The following NUP85 variants were observed in gnomAD, a reference collection of about 807,000 sequenced individuals.
NUP85 encodes the protein nucleoporin 85, also known as nuclear pore complex protein Nup85.
Under a neutral mutation model 92.8 loss-of-function variants are expected in NUP85, and 23 were observed. That is an observed-to-expected ratio of 0.25 (90% CI 0.18 to 0.35). NUP85 has a LOEUF of 0.35. NUP85 is among the 10% of genes least tolerant of loss of function. NUP85 has a pLI of 1.00. For missense variants in NUP85, 759 were observed against 822.8 expected, an observed-to-expected ratio of 0.92 and a Z score of 0.95; for synonymous variants, 314 against 306.9, an observed-to-expected ratio of 1.02 and a Z score of -0.24.
chr17:75,205,745 G>C lies in NUP85; in HGVS notation c.-17G>C, dbSNP rs760740792. The C allele has an allele frequency of 3.1e-6, 5 of 1,614,072 alleles. No individual in the cohort carries two copies. The highest frequency in any genetic ancestry group is 4.2e-6 in the Non-Finnish European group (5 of 1,180,028). ...ATTGGCGTCCGAGCGACTTCTAGGAGCCTGGGGTTCGGCGCTATGGAGGAG... is the reference window on the plus strand; with the variant it reads ...ATTGGCGTCCGAGCGACTTCTAGGACCCTGGGGTTCGGCGCTATGGAGGAG... On this transcript the variant is annotated 5_prime_UTR_variant, in exon 1 of 19. Transcript: ENST00000245544.
Position 75,226,041 on chromosome 17 carries a change from C to G in NUP85, c.988-10C>G, listed in dbSNP as rs2075782005. The G allele has an allele frequency of 4.3e-6, 7 of 1,614,018 alleles. No homozygotes were observed. In the East Asian group the frequency reaches 1.3e-4, roughly 31 times the overall value. ...TCCTCAGGATTGAGTGTCTCATCAC[C>G]TTTCCACAGTCCAGCCTGGACCTGT... On this transcript the variant is annotated splice_polypyrimidine_tract_variant and intron_variant, in intron 10 of 18. Coordinates refer to ENST00000245544, the MANE Select transcript of NUP85 (RefSeq NM_024844.5).
At chr17:75,235,256 C>T (rs1205414690) in intron 18 of NUP85, 55 bp downstream of exon 18, 1 of 1,285,224 alleles carries the variant, frequency 7.8e-7, no homozygotes, top group Admixed American at 1.9e-5. Flanking sequence ...AAGGCTCCCT[C>T]TATCTCAGGC....
chr17:75,233,176 G>A lies in NUP85; in HGVS notation c.1615+18G>A, dbSNP rs773463065. The stretch of plus-strand genomic sequence containing the variant: ...ATTCCTGGGTGAGTCTCTGGGTTTT[G>A]TGCCCTGTGCTTTGGGCACAAGTGG... On this transcript the variant is annotated intron_variant, in intron 16 of 18. Transcript: ENST00000245544. 2 of 1,610,670 alleles carry A rather than the reference G, an allele frequency of 1.2e-6. No homozygotes were observed. The highest frequency in any genetic ancestry group is 1.7e-6 in the Non-Finnish European group (2 of 1,177,274).
chr17:75,208,157 C>T (rs75176280), intron 1 of NUP85: 23,224 of 186,064 alleles, frequency 0.12, 1,815 homozygotes, highest in Middle Eastern at 0.23. Flanking sequence ...TTCAGCAGGG[C>T]GGGCACGGTG....
chr17:75,221,007 G>T (rs933136121), intron 7 of NUP85, among the ~76,000 whole-genome samples: 12 of 149,400 alleles, frequency 8.0e-5, no homozygotes, highest in Non-Finnish European at 1.5e-4. Context: ...TCAGCCTCCC[G>T]AGTAGCTGGG....
chr17:75,220,878 AT>A (rs71159457), intron 7 of NUP85, among the ~76,000 whole-genome samples: 38 of 97,550 alleles, frequency 3.9e-4, no homozygotes, highest in African/African-American at 8.7e-4. Flanking sequence ...CACCATCCCA[AT>A]TTTTTTTTTT....
chr17:75,218,479 G>A (rs556677216), intron 7 of NUP85, among the ~76,000 whole-genome samples, 173 bp downstream of exon 7: 1 of 151,780 alleles, frequency 6.6e-6, no homozygotes, highest in South Asian at 2.1e-4. Context: ...GTCTAAAACC[G>A]AGGTACCATG....
intron 11 of NUP85, 48 bp downstream of exon 11, chr17:75,226,205 T>G (rs2145359375): frequency 6.0e-6 from 9 of 1,498,642 alleles, no homozygotes; most frequent in Non-Finnish European, 8.4e-6. Context: ...GGTGTACAAA[T>G]ATCACCACCT....
intron 5 of NUP85, among the ~76,000 whole-genome samples, chr17:75,213,722 A>C (rs1317659211): frequency 2.0e-5 from 3 of 149,794 alleles, no homozygotes; most frequent in Admixed American, 6.6e-5. Context: ...TCTTGAACTC[A>C]ACATTTTTTT....
chr17:75,228,242 G>A, intron 11 of NUP85: 1 of 985,418 alleles, frequency 1.0e-6, no homozygotes, highest in Non-Finnish European at 1.2e-6. Flanking sequence ...GCTGTTTCCA[G>A]TGGCAGAAGA....
In NUP85 at chr17:75,225,879, C is replaced by T. The variant is rs376448965; in HGVS notation, c.987+50C>T. Reference sequence around the variant, plus strand: ...GGTGGGGGTAGGAGTCCTGGGGGCGCCCTGATGGGTCATTCTCTTTGAATT... The same window carrying T: ...GGTGGGGGTAGGAGTCCTGGGGGCGTCCTGATGGGTCATTCTCTTTGAATT... On this transcript the variant is annotated intron_variant, in intron 10 of 18. Coordinates refer to ENST00000245544, the MANE Select transcript of NUP85 (RefSeq NM_024844.5). 7 of 1,609,906 alleles carry T rather than the reference C, an allele frequency of 4.3e-6. No individual in the cohort carries two copies. In the African/African-American group the frequency reaches 9.4e-5, roughly 22 times the overall value.
chr17:75,229,527 G>A (rs556073281), intron 11 of NUP85, among the ~76,000 whole-genome samples: 110 of 152,306 alleles, frequency 7.2e-4, no homozygotes, highest in African/African-American at 2.5e-3. Flanking sequence ...ATGCCCACCT[G>A]CTCTGTGTCT....
chr17:75,214,271 A>G (rs1272866076), intron 5 of NUP85, among the ~76,000 whole-genome samples: 1 of 152,202 alleles, frequency 6.6e-6, no homozygotes, highest in Non-Finnish European at 1.5e-5. Flanking sequence ...GTGACTAGGT[A>G]GTAATTCACT....
At chr17:75,215,723 C>T in intron 5 of NUP85, 31 bp from the exon 6 acceptor site, 1 of 1,601,910 alleles carries the variant, frequency 6.2e-7, no homozygotes, top group East Asian at 2.2e-5. Flanking sequence ...GGAATCATTT[C>T]AGGTGAAACC....
intron 11 of NUP85, among the ~76,000 whole-genome samples, chr17:75,230,272 A>C (rs887961708): frequency 1.5e-4 from 23 of 151,528 alleles, no homozygotes; most frequent in African/African-American, 5.6e-4. Context: ...TGAACTCCTG[A>C]GCTCAAGTGA....
Position 75,208,626 on chromosome 17 carries a change from GT to G in NUP85, c.127+14del, listed in dbSNP as rs762684185. The G allele has an allele frequency of 3.5e-5, 54 of 1,521,824 alleles. No individual in the cohort carries two copies. Among genetic ancestry groups the G allele is most frequent in the Non-Finnish European group, 4.5e-5 (50 of 1,099,604 alleles). The allele number at this position is 1,521,824 out of a possible 1,614,324, so 94.3% of individuals were successfully genotyped here. On this transcript the variant is annotated splice_region_variant and intron_variant, in intron 2 of 18. Coordinates refer to ENST00000245544, the MANE Select transcript of NUP85 (RefSeq NM_024844.5). ...AACCTCCTTCAACAAAAAAGGTAGG[GT>G]TTTTTTTCTTCCAAATTATCCATCT...
At chr17:75,212,085 C>CGTGT (rs569791426) in intron 4 of NUP85, 23 bp downstream of exon 4, 139 of 1,397,834 alleles carry the variant, frequency 9.9e-5, no homozygotes, top group Non-Finnish European at 1.0e-4. Flanking sequence ...TGCGCGTGCG[C>CGTGT]GCGTGTGTGT....
intron 11 of NUP85, among the ~76,000 whole-genome samples, chr17:75,230,488 T>G (rs2076010649): frequency 6.6e-6 from 1 of 151,334 alleles, no homozygotes; most frequent in Non-Finnish European, 1.5e-5. Flanking sequence ...GCCTCCAGAG[T>G]AGCTGGGACT....
At chr17:75,211,969 G>T (rs373391835) in intron 3 of NUP85, 23 bp from the exon 4 acceptor site, 4 of 1,585,240 alleles carry the variant, frequency 2.5e-6, no homozygotes, top group African/African-American at 1.3e-5. Flanking sequence ...GGCTCATCTT[G>T]TGTGTTATTT....
Sources: allele counts gnomAD v4.1 joint callset (sites outside exome capture counted in the v4.1 genomes callset), GRCh38; gene constraint gnomAD v4.1.1; transcripts MANE v1.5; gene names NCBI Gene and HGNC (gene_info 2026-07-23, HGNC 2026-07-21).